Variants in FAM185A observed in about 807,000 individuals in gnomAD.
FAM185A encodes protein FAM185A.
In FAM185A, 21 loss-of-function variants were observed where a neutral mutation model predicts 45.7. That is an observed-to-expected ratio of 0.46 (90% CI 0.33 to 0.66). The LOEUF (loss-of-function observed/expected upper bound fraction) is 0.66, where lower values mean the gene tolerates loss of function less well. Ranked by LOEUF, FAM185A falls within the 30% of genes least tolerant of loss-of-function variation. The probability of loss-of-function intolerance (pLI) is 0.03; values close to 1 mark genes in which losing one functional copy is unlikely to be tolerated. For missense variants in FAM185A, 305 were observed against 485.4 expected (o/e 0.63, Z 3.49); for synonymous variants, 117 against 194.0 (o/e 0.60, Z 3.30).
At chr7:102,831,329 C>T in the FAM185A span, among the ~76,000 whole-genome samples, 1 of 151,248 alleles carries the variant, frequency 6.6e-6, no homozygotes, top group Admixed American at 6.6e-5. Context: ...GGGATGGGAT[C>T]TTATGTGCTA....
chr7:102,835,831 G>C, the FAM185A span, among the ~76,000 whole-genome samples: 1 of 151,526 alleles, frequency 6.6e-6, no homozygotes, highest in Non-Finnish European at 1.5e-5. Flanking sequence ...GGATGGTCTC[G>C]ATCTCCTGAC....
chr7:102,843,200 T>C, the FAM185A span, among the ~76,000 whole-genome samples: 6 of 152,050 alleles, frequency 3.9e-5, no homozygotes, highest in Non-Finnish European at 8.8e-5. Flanking sequence ...CCCCAACACT[T>C]TGGGAGGCTG....
At chr7:102,847,132 T>A in the FAM185A span, among the ~76,000 whole-genome samples, 2 of 152,078 alleles carry the variant, frequency 1.3e-5, no homozygotes, top group Non-Finnish European at 2.9e-5. Context: ...ATGGCAAAGT[T>A]GGGAAGTTGC....
rs1365907889 is a variant in FAM185A, at chr7:102,808,793, C to T, written c.*391C>T. ...CTTGTGACTGGATGACTGAGGTCTC[C>T]ATTTTCTTGCTGGCTGTCAGCCAGC... On this transcript the variant is annotated 3_prime_UTR_variant, in exon 8 of 8. Coordinates refer to ENST00000413034, the MANE Select transcript of FAM185A (RefSeq NM_001145268.2). 1.1e-5 allele frequency: 2 copies of T among 174,200 alleles called. No homozygotes were observed. Among genetic ancestry groups the T allele is most frequent in the African/African-American group, 4.8e-5 (2 of 41,822 alleles). 10.8% of individuals were successfully genotyped at this position (174,200 alleles called of 1,614,324 possible).
At position 102,761,821 on chromosome 7, in the gene FAM185A, G is replaced by A. The variant is rs12674280; in HGVS notation, c.793+410G>A. 5.8e-4 allele frequency among the ~76,000 whole-genome samples: 88 copies of A among 151,920 alleles called. 1 individual carries two copies. In the East Asian group the frequency reaches 0.015, roughly 26 times the overall value. Reference sequence around the variant, plus strand: ...TGGGACTACAGGTGTGCGCTATCACGCTAGGCTAATTTTTGTATTTTTAGT... The same window carrying A: ...TGGGACTACAGGTGTGCGCTATCACACTAGGCTAATTTTTGTATTTTTAGT... On this transcript the variant is annotated intron_variant, in intron 4 of 7. Transcript: ENST00000413034.
the FAM185A span, among the ~76,000 whole-genome samples, chr7:102,848,424 C>G: frequency 2.0e-5 from 2 of 97,848 alleles, 1 homozygote; most frequent in Non-Finnish European, 3.8e-5. Flanking sequence ...GGCGTAGTGG[C>G]GGGCGCCTGT....
intron 7 of FAM185A, among the ~76,000 whole-genome samples, chr7:102,793,584 T>A (rs1230595510): frequency 6.6e-6 from 1 of 151,986 alleles, no homozygotes; most frequent in Non-Finnish European, 1.5e-5. Context: ...TAATCAGATG[T>A]CAATGTTGTT....
At chr7:102,803,149 G>C (rs962628426) in intron 7 of FAM185A, among the ~76,000 whole-genome samples, 2 of 152,140 alleles carry the variant, frequency 1.3e-5, no homozygotes, top group African/African-American at 4.8e-5. Flanking sequence ...CCGCAAGACA[G>C]AGAAAGAAGG....
chr7:102,754,594 C>T (rs1465630100), intron 2 of FAM185A, among the ~76,000 whole-genome samples: 2 of 129,206 alleles, frequency 1.5e-5, no homozygotes, highest in African/African-American at 5.8e-5. Context: ...TCCATTTTAT[C>T]AAGGAAGAAA....
chr7:102,804,125 T>C (rs1261677021), intron 7 of FAM185A, among the ~76,000 whole-genome samples: 2 of 152,020 alleles, frequency 1.3e-5, no homozygotes, highest in Non-Finnish European at 2.9e-5. Context: ...AATCTACAAA[T>C]TCAACACAAT....
At chr7:102,794,557 G>A (rs1460237524) in intron 7 of FAM185A, among the ~76,000 whole-genome samples, 1 of 151,970 alleles carries the variant, frequency 6.6e-6, no homozygotes, top group Non-Finnish European at 1.5e-5. Flanking sequence ...TTACTGGTGG[G>A]AATGTAAAAT....
chr7:102,830,674 A>C, the FAM185A span, among the ~76,000 whole-genome samples: 1 of 152,186 alleles, frequency 6.6e-6, no homozygotes, highest in Non-Finnish European at 1.5e-5. Context: ...AACCATACAA[A>C]CCAAACAACA....
intron 5 of FAM185A, among the ~76,000 whole-genome samples, chr7:102,772,812 A>G (rs1193004566): frequency 4.0e-5 from 6 of 150,922 alleles, no homozygotes; most frequent in Non-Finnish European, 7.4e-5. Context: ...TTTGAAGACA[A>G]CCTTGTGAAT....
In FAM185A at chr7:102,808,383, C is replaced by T; in HGVS notation, c.1160C>T (p.Ser387Phe). ...VSFRRQSWFQ[S>F]LKLQD is the part of the protein sequence containing the mutation. ...TTTAGAAGGCAAAGTTGGTTTCAGT[C>T]CCTGAAACTGCAGGACTAAAACTGA... The change falls in exon 8 of 8, where the codon TCC becomes TTC. Residue 387 changes from serine to phenylalanine, a missense_variant. Ser to Phe is a radical substitution (Grantham distance 155). Transcript: ENST00000413034. The T allele has an allele frequency of 5.8e-6, 9 of 1,545,134 alleles. No individual in the cohort carries two copies. Among genetic ancestry groups the T allele is most frequent in the Non-Finnish European group, 7.9e-6 (9 of 1,141,062 alleles).
chr7:102,795,001 G>A (rs74708264), intron 7 of FAM185A, among the ~76,000 whole-genome samples: 28,566 of 152,152 alleles, frequency 0.19, 3,073 homozygotes, highest in East Asian at 0.53. Flanking sequence ...GTTAGGGAAG[G>A]AGAAGGACAG....
intron 5 of FAM185A, among the ~76,000 whole-genome samples, chr7:102,773,217 CA>C (rs1464022704): frequency 5.4e-5 from 8 of 149,054 alleles, no homozygotes; most frequent in Non-Finnish European, 1.2e-4. Flanking sequence ...TTACTATTTT[CA>C]AGGGAAAGAA....
Position 102,751,764 on chromosome 7 carries a change from A to G in FAM185A, c.524A>G (p.Glu175Gly). The part of the protein sequence containing the change: ...QSIEGDNCKI[E>G]TEHGTSILQS... ...ATTGAGGGTGATAATTGCAAAATTG[A>G]AACAGAGCATGGGACTAGTATCTTG... Residue 175 changes from glutamate to glycine, a missense_variant, in exon 2 of 8, where the codon GAA becomes GGA. By Grantham distance (98) the Glu-to-Gly change is moderately conservative. Coordinates refer to ENST00000413034, the MANE Select transcript of FAM185A (RefSeq NM_001145268.2). 6.4e-7 allele frequency: 1 copy of G among 1,551,606 alleles called. No individual in the cohort carries two copies. Among genetic ancestry groups the G allele is most frequent in the Non-Finnish European group, 8.7e-7 (1 of 1,146,804 alleles).
chr7:102,817,013 A>G, the FAM185A span, among the ~76,000 whole-genome samples: 1 of 152,326 alleles, frequency 6.6e-6, no homozygotes, highest in Non-Finnish European at 1.5e-5. Context: ...CACCACTGAC[A>G]GGCACTTAGG....
At chr7:102,845,587 A>G in the FAM185A span, among the ~76,000 whole-genome samples, 1 of 152,190 alleles carries the variant, frequency 6.6e-6, no homozygotes, top group African/African-American at 2.4e-5. Context: ...CTTTAACCAC[A>G]TCTTCACACT....
Sources: allele counts gnomAD v4.1 joint callset (sites outside exome capture counted in the v4.1 genomes callset), GRCh38; gene constraint gnomAD v4.1.1; transcripts MANE v1.5; gene names NCBI Gene and HGNC (gene_info 2026-07-23, HGNC 2026-07-21).